Variants in CNNM2 observed in about 807,000 individuals in gnomAD.
The protein encoded by CNNM2 is cyclin and CBS domain divalent metal cation transport mediator 2, also known as metal transporter CNNM2.
A neutral mutation model predicts 66.9 loss-of-function variants in CNNM2; 12 were observed. That is an observed-to-expected ratio of 0.18 (90% CI 0.11 to 0.29). The LOEUF is 0.29. Among genes scored for constraint, CNNM2 ranks in the 10% least tolerant of loss-of-function variants. CNNM2 has a pLI of 1.00. For missense variants in CNNM2, 705 were observed against 1,167.7 expected, an observed-to-expected ratio of 0.60 and a Z score of 5.77; for synonymous variants, 557 against 501.8, an observed-to-expected ratio of 1.11 and a Z score of -1.47.
At chr10:103,024,442 A>C (rs894810283) in intron 1 of CNNM2, among the ~76,000 whole-genome samples, 2 of 152,186 alleles carry the variant, frequency 1.3e-5, no homozygotes, top group Admixed American at 6.5e-5. Context: ...AACCAAATAC[A>C]GTACTGTGAT....
chr10:103,089,639 T>G lies in CNNM2; in HGVS notation c.*12459T>G. ...TTCCTGTGAGTCCTGCCAGGACTTGTTTAATGGGTGCTTGGGGTTTTGGTT... is the reference window on the plus strand; with the variant it reads ...TTCCTGTGAGTCCTGCCAGGACTTGGTTAATGGGTGCTTGGGGTTTTGGTT... On this transcript the variant is annotated 3_prime_UTR_variant, in exon 8 of 8. Transcript: ENST00000369878. 1 of 1,552,586 alleles carries G rather than the reference T, an allele frequency of 6.4e-7. No homozygotes were observed. The highest frequency in any genetic ancestry group is 8.7e-7 in the Non-Finnish European group (1 of 1,149,382).
intron 1 of CNNM2, among the ~76,000 whole-genome samples, chr10:103,015,018 T>G (rs534332699): frequency 3.3e-5 from 5 of 152,216 alleles, no homozygotes; most frequent in Admixed American, 2.0e-4. Flanking sequence ...TACATAACTT[T>G]AATAAGTCAA....
At chr10:102,932,033 TTTTA>T (rs1177589550) in intron 1 of CNNM2, among the ~76,000 whole-genome samples, 1 of 152,150 alleles carries the variant, frequency 6.6e-6, no homozygotes, top group Admixed American at 6.6e-5. Flanking sequence ...TTATTTGTCT[TTTTA>T]TTGTTGAGTT....
At chr10:102,997,832 A>T (rs2064032795) in intron 1 of CNNM2, among the ~76,000 whole-genome samples, 1 of 152,156 alleles carries the variant, frequency 6.6e-6, no homozygotes, top group South Asian at 2.1e-4. Flanking sequence ...TTTATAGCTC[A>T]TTTCCTCCCC....
intron 1 of CNNM2, among the ~76,000 whole-genome samples, chr10:102,972,828 A>G (rs1027198550): frequency 6.6e-6 from 1 of 152,152 alleles, no homozygotes. Context: ...TAGTAAGGAG[A>G]GAATTCATGC....
chr10:103,073,786 C>T (rs916890856), intron 6 of CNNM2, among the ~76,000 whole-genome samples: 12 of 145,570 alleles, frequency 8.2e-5, no homozygotes, highest in Admixed American at 5.0e-4. Flanking sequence ...GGCGTGAACC[C>T]GGGAAGCGGA....
intron 1 of CNNM2, among the ~76,000 whole-genome samples, chr10:102,982,267 T>G (rs544388653): frequency 3.2e-4 from 48 of 152,362 alleles, no homozygotes; most frequent in Non-Finnish European, 6.2e-4. Context: ...CTGGCTATAT[T>G]ATTTGATTCA....
intron 1 of CNNM2, among the ~76,000 whole-genome samples, chr10:103,015,532 C>T (rs1201574481): frequency 6.6e-6 from 1 of 152,160 alleles, no homozygotes; most frequent in Non-Finnish European, 1.5e-5. Flanking sequence ...CCATCTCTAG[C>T]ACAAATAGTA....
intron 1 of CNNM2, among the ~76,000 whole-genome samples, chr10:102,952,551 G>A (rs935105752): frequency 4.6e-5 from 7 of 150,790 alleles, no homozygotes. Flanking sequence ...GTGACAGAGT[G>A]AGACTCCGTC....
At chr10:103,001,739 C>T (rs139413231) in intron 1 of CNNM2, among the ~76,000 whole-genome samples, 9 of 152,310 alleles carry the variant, frequency 5.9e-5, no homozygotes, top group African/African-American at 1.9e-4. Flanking sequence ...TGCGCTGGCT[C>T]ATACCTGTAA....
Position 103,089,480 on chromosome 10 carries a change from C to T in CNNM2, c.*12300C>T. 2 of 956,638 alleles carry T rather than the reference C, an allele frequency of 2.1e-6. No homozygotes were observed. Among genetic ancestry groups the T allele is most frequent in the Non-Finnish European group, 2.9e-6 (2 of 695,378 alleles). 59.3% of individuals were successfully genotyped at this position (956,638 alleles called of 1,614,324 possible). ...TACAGACTCCATTACAATTTTGGAC[C>T]ATCTGCAGAGAGTACAGATACACAA... On this transcript the variant is annotated 3_prime_UTR_variant, in exon 8 of 8. Transcript: ENST00000369878.
chr10:103,026,009 G>GT (rs2064695107), intron 1 of CNNM2, among the ~76,000 whole-genome samples: 1 of 152,212 alleles, frequency 6.6e-6, no homozygotes. Context: ...AGTTAGGTTA[G>GT]TTACTGTGAG....
rs1481592577 is a variant in CNNM2 at position 102,919,611 on chromosome 10, C to T, written c.1131C>T (p.Phe377=). 1.9e-6 allele frequency: 3 copies of T among 1,613,908 alleles called. No homozygotes were observed. Among genetic ancestry groups the T allele is most frequent in the South Asian group, 2.2e-5 (2 of 91,086 alleles). The part of the protein sequence containing the change: ...HGLAVGANTI[F]LTKFFMMMTF... ...TGGCTGTGGGGGCCAACACCATCTTCCTCACCAAGTTTTTCATGATGATGA... is the reference window on the plus strand; with the variant it reads ...TGGCTGTGGGGGCCAACACCATCTTTCTCACCAAGTTTTTCATGATGATGA... Residue 377 remains phenylalanine, a synonymous_variant, in exon 1 of 8, where the codon TTC becomes TTT. Transcript: ENST00000369878.
chr10:102,983,553 C>T (rs997384061), intron 1 of CNNM2, among the ~76,000 whole-genome samples: 4 of 151,848 alleles, frequency 2.6e-5, no homozygotes, highest in African/African-American at 9.7e-5. Context: ...ATCCTCTCAC[C>T]TCAGCCTCCC....
intron 1 of CNNM2, among the ~76,000 whole-genome samples, chr10:103,011,377 CA>C (rs2134271754): frequency 6.6e-6 from 1 of 152,136 alleles, no homozygotes; most frequent in East Asian, 1.9e-4. Context: ...CATTTGAACC[CA>C]GGAGGCAGAG....
chr10:103,073,389 CTG>C (rs2065627862), intron 6 of CNNM2, among the ~76,000 whole-genome samples: 1 of 152,178 alleles, frequency 6.6e-6, no homozygotes, highest in African/African-American at 2.4e-5. Context: ...CACACAAACA[CTG>C]TTTCAAAAGT....
intron 1 of CNNM2, among the ~76,000 whole-genome samples, chr10:102,934,430 GCCA>G (rs1196764701): frequency 6.6e-6 from 1 of 151,696 alleles, no homozygotes; most frequent in Non-Finnish European, 1.5e-5. Context: ...ACAGGCGCCT[GCCA>G]CCACACCTGG....
rs996943078 is a variant in CNNM2, at chr10:103,023,502, C to T, written c.1622-26205C>T. Reference sequence around the variant, plus strand: ...GGCGGAGATTTTGGTGAGCCGAGATCGTGCCATTGCACTCCAGCCTGGGCG... The same window carrying T: ...GGCGGAGATTTTGGTGAGCCGAGATTGTGCCATTGCACTCCAGCCTGGGCG... On this transcript the variant is annotated intron_variant, in intron 1 of 7. Transcript: ENST00000369878. Among the ~76,000 whole-genome samples the T allele has an allele frequency of 7.2e-5, 11 of 152,234 alleles. No individual in the cohort carries two copies. The East Asian group carries it at 1.6e-3, about 21-fold the overall frequency.
At chr10:103,044,091 A>G (rs1003944651) in intron 1 of CNNM2, among the ~76,000 whole-genome samples, 2 of 152,148 alleles carry the variant, frequency 1.3e-5, no homozygotes, top group African/African-American at 4.8e-5. Flanking sequence ...AGTGTTTAAT[A>G]TCTGTGATTA....
Sources: allele counts gnomAD v4.1 joint callset (sites outside exome capture counted in the v4.1 genomes callset), GRCh38; gene constraint gnomAD v4.1.1; transcripts MANE v1.5; gene names NCBI Gene and HGNC (gene_info 2026-07-23, HGNC 2026-07-21).